The following TNRC18 variants were observed in gnomAD, a reference collection of about 807,000 sequenced individuals.
TNRC18 encodes the protein trinucleotide repeat-containing gene 18 protein.
Under a neutral mutation model 226.7 loss-of-function variants are expected in TNRC18, and 69 were observed. The observed-to-expected ratio is 0.30, with a 90% CI of 0.25 to 0.37. The LOEUF (loss-of-function observed/expected upper bound fraction) is 0.37, where lower values mean the gene tolerates loss of function less well. Ranked by LOEUF, TNRC18 falls within the 10% of genes least tolerant of loss-of-function variation. The pLI, the probability that TNRC18 is intolerant of heterozygous loss-of-function variation, is 1.00. For synonymous variants in TNRC18, 2,449 were observed against 1,927.6 expected (o/e 1.27, Z -7.09); for missense variants, 4,754 against 4,256.6 (o/e 1.12, Z -3.25).
intron 16 of TNRC18, among the ~76,000 whole-genome samples, chr7:5,356,148 A>G (rs192212549): frequency 1.3e-5 from 2 of 149,396 alleles, no homozygotes; most frequent in East Asian, 2.0e-4. Context: ...TGGACGACAG[A>G]GTGAGACTCC....
At chr7:5,329,141 A>G (rs1173151694) in intron 19 of TNRC18, among the ~76,000 whole-genome samples, 2 of 151,856 alleles carry the variant, frequency 1.3e-5, no homozygotes, top group African/African-American at 4.8e-5. Context: ...TGTCTCTACT[A>G]AAAATACAAA....
rs80310316 is a variant in TNRC18, at chr7:5,308,045, G to C, written c.*61C>G. The C allele has an allele frequency of 7.6e-4, 1,111 of 1,464,150 alleles. 3 individuals are homozygous for C. The African/African-American group carries it at 0.014, about 18-fold the overall frequency. 90.7% of individuals were successfully genotyped at this position (1,464,150 alleles called of 1,614,324 possible). ...CGCACGTGGTCTCCGCGCCATGGCAGTGATGGAGATGGGTCCCTGGCCGCC... is the reference window on the plus strand; with the variant it reads ...CGCACGTGGTCTCCGCGCCATGGCACTGATGGAGATGGGTCCCTGGCCGCC... On this transcript the variant is annotated 3_prime_UTR_variant, in exon 30 of 30. Coordinates refer to ENST00000430969, the MANE Select transcript of TNRC18 (RefSeq NM_001080495.3).
intron 19 of TNRC18, among the ~76,000 whole-genome samples, chr7:5,326,292 C>T (rs1788904671): frequency 6.6e-6 from 1 of 152,090 alleles, no homozygotes; most frequent in African/African-American, 2.4e-5. Flanking sequence ...TCCTGCTTTG[C>T]AACGTTTCCC....
intron 8 of TNRC18, among the ~76,000 whole-genome samples, chr7:5,376,541 C>A (rs1794696722): frequency 6.6e-6 from 1 of 152,212 alleles, no homozygotes; most frequent in East Asian, 1.9e-4. Flanking sequence ...CTTCTCCCAC[C>A]CCTCCCAGTG....
intron 15 of TNRC18, 85 bp downstream of exon 15, chr7:5,359,313 C>G: frequency 1.4e-6 from 2 of 1,390,078 alleles, no homozygotes; most frequent in Admixed American, 3.6e-5. Flanking sequence ...GAACAAAGGG[C>G]CTGCGAAGGG....
intron 3 of TNRC18, among the ~76,000 whole-genome samples, chr7:5,392,143 G>A (rs867775428): frequency 2.6e-5 from 4 of 152,050 alleles, no homozygotes; most frequent in East Asian, 3.9e-4. Flanking sequence ...AGGGCTACCC[G>A]ATACCTGTTC....
intron 15 of TNRC18, among the ~76,000 whole-genome samples, chr7:5,357,743 C>G (rs1481215871): frequency 6.6e-6 from 1 of 152,212 alleles, no homozygotes; most frequent in African/African-American, 2.4e-5. Flanking sequence ...CCCACCTCAG[C>G]CTCCCAAACT....
At chr7:5,387,613 C>T (rs1779889345) in intron 5 of TNRC18, 59 bp downstream of exon 5, 1 of 1,589,142 alleles carries the variant, frequency 6.3e-7, no homozygotes, top group Non-Finnish European at 8.5e-7. Flanking sequence ...CTGTAATGTA[C>T]GGGAAACGGC....
chr7:5,353,439 A>G (rs367833958), intron 16 of TNRC18, among the ~76,000 whole-genome samples: 3 of 151,896 alleles, frequency 2.0e-5, no homozygotes, highest in African/African-American at 7.3e-5. Context: ...AGGGCCTGTT[A>G]TCCCAGCTAC....
intron 2 of TNRC18, among the ~76,000 whole-genome samples, chr7:5,403,704 G>C (rs952026749): frequency 3.3e-5 from 5 of 151,598 alleles, no homozygotes; most frequent in African/African-American, 4.8e-5. Flanking sequence ...AAGGCACGAG[G>C]ATCATTTGAG....
intron 5 of TNRC18, among the ~76,000 whole-genome samples, chr7:5,384,482 A>C (rs1355386644): frequency 1.3e-5 from 2 of 151,900 alleles, no homozygotes; most frequent in African/African-American, 4.8e-5. Context: ...TCTCATCCCA[A>C]ACCTCTGGCA....
chr7:5,409,920 G>A (rs958428226), intron 2 of TNRC18, among the ~76,000 whole-genome samples: 1 of 150,782 alleles, frequency 6.6e-6, no homozygotes, highest in African/African-American at 2.4e-5. Flanking sequence ...GAACCCGGGA[G>A]GTGGAGCTTG....
Position 5,320,175 on chromosome 7 carries a change from C to T in TNRC18, c.6745+143G>A, listed in dbSNP as rs572369823. The T allele has an allele frequency of 2.4e-5, 16 of 657,410 alleles. No individual in the cohort carries two copies. The South Asian group carries it at 2.7e-4, about 11-fold the overall frequency. The allele number at this position is 657,410 out of a possible 1,614,324, so 40.7% of individuals were successfully genotyped here. A position where few individuals can be genotyped will look rare whatever the true frequency, so the allele number is the denominator to read the frequency against. On this transcript the variant is annotated intron_variant, in intron 24 of 29. Coordinates refer to ENST00000430969, the MANE Select transcript of TNRC18 (RefSeq NM_001080495.3). Reference sequence around the variant, plus strand: ...CGTTTAAATGGTGCCTGGATCCAATCATGCCTGAAGGCCATACAGTTTTCA... The same window carrying T: ...CGTTTAAATGGTGCCTGGATCCAATTATGCCTGAAGGCCATACAGTTTTCA...
rs765642771 is a variant in TNRC18 at position 5,362,748 on chromosome 7, G to C, written c.4297C>G (p.Leu1433Val). ...AAGSHMLREV[L>V]DGPVVDPLKN... ...AGTGGGTCCACCACGGGCCCATCCA[G>C]CACCTCCCTCAGCATGTGGCTGCCA... The change falls in exon 12 of 30, where the codon CTG becomes GTG. Residue 1433 changes from leucine (L) to valine (V), a missense_variant. Leu to Val is a conservative substitution (Grantham distance 32, BLOSUM62 1). Transcript: ENST00000430969. 5.1e-6 allele frequency: 8 copies of C among 1,572,670 alleles called. No individual in the cohort carries two copies. The highest frequency in any genetic ancestry group is 2.7e-5 in the African/African-American group (2 of 73,942).
At chr7:5,345,109 G>A (rs1436954675) in intron 18 of TNRC18, among the ~76,000 whole-genome samples, 26 of 152,124 alleles carry the variant, frequency 1.7e-4, no homozygotes. Context: ...ATCCCACAAA[G>A]TCTGAATGAG....
intron 18 of TNRC18, among the ~76,000 whole-genome samples, chr7:5,344,801 G>A (rs536446202): frequency 2.8e-4 from 43 of 152,282 alleles, no homozygotes; most frequent in South Asian, 8.3e-4. Flanking sequence ...AGCTGCGTCC[G>A]TGTGAGGGCA....
intron 19 of TNRC18, 146 bp from the exon 20 acceptor site, chr7:5,325,394 T>A: frequency 1.2e-6 from 1 of 835,610 alleles, no homozygotes; most frequent in Non-Finnish European, 1.8e-6. Flanking sequence ...TTCTCTCTCT[T>A]CCTGCAAGCG....
In TNRC18 at chr7:5,319,501, C is replaced by T. The variant is rs977330955; in HGVS notation, c.6745+817G>A. Among the ~76,000 whole-genome samples the T allele has an allele frequency of 3.3e-5, 5 of 152,102 alleles. No individual in the cohort carries two copies. In the East Asian group the frequency reaches 5.8e-4, roughly 18 times the overall value. ...AGGGTACCTGTTGTTTTTCTCCATC[C>T]AGCCTCCATTCTTTTTTCTTTTTTT... On this transcript the variant is annotated intron_variant, in intron 24 of 29. Coordinates refer to ENST00000430969, the MANE Select transcript of TNRC18 (RefSeq NM_001080495.3).
At chr7:5,393,567 G>A (rs892620457) in intron 3 of TNRC18, among the ~76,000 whole-genome samples, 1 of 152,144 alleles carries the variant, frequency 6.6e-6, no homozygotes, top group Non-Finnish European at 1.5e-5. Flanking sequence ...GAGCTCCAGG[G>A]CTGCAACCTT....
Sources: allele counts gnomAD v4.1 joint callset (sites outside exome capture counted in the v4.1 genomes callset), GRCh38; gene constraint gnomAD v4.1.1; transcripts MANE v1.5; gene names NCBI Gene and HGNC (gene_info 2026-07-23, HGNC 2026-07-21).